The following MYO3B variants were observed in gnomAD, a reference collection of about 807,000 sequenced individuals.
The protein encoded by MYO3B is myosin IIIB.
Under a neutral mutation model 174.6 loss-of-function variants are expected in MYO3B, and 156 were observed. The ratio of observed to expected loss-of-function variants is 0.89; its 90% CI spans 0.78 to 1.02. The LOEUF (loss-of-function observed/expected upper bound fraction) is 1.02, where lower values mean the gene tolerates loss of function less well. MYO3B is among the 50% of genes least tolerant of loss of function. MYO3B has a pLI of 0.00. For missense variants in MYO3B, 1,632 were observed against 1,639.4 expected, an observed-to-expected ratio of 1.00 and a Z score of 0.08; for synonymous variants, 563 against 569.1, an observed-to-expected ratio of 0.99 and a Z score of 0.15.
At chr2:170,651,599 T>C (rs369168743) in intron 32 of MYO3B, 29 bp from the exon 33 acceptor site, 10 of 1,600,546 alleles carry the variant, frequency 6.2e-6, no homozygotes, top group Non-Finnish European at 8.6e-6. Context: ...CCTCGGACAG[T>C]TTACAGCAAA....
intron 25 of MYO3B, among the ~76,000 whole-genome samples, chr2:170,474,097 G>C (rs939557223): frequency 1.3e-5 from 2 of 152,202 alleles, no homozygotes. Context: ...TACCAAGCCA[G>C]TGTCTTTTTC....
At chr2:170,376,605 A>ATTTTT (rs10655853) in intron 9 of MYO3B, among the ~76,000 whole-genome samples, 21 of 145,006 alleles carry the variant, frequency 1.4e-4, no homozygotes, top group African/African-American at 5.0e-4. Context: ...CCCTCTCTCT[A>ATTTTT]TTTTTTTTTT....
chr2:170,592,072 G>C (rs1349914571), intron 32 of MYO3B, among the ~76,000 whole-genome samples: 3 of 152,138 alleles, frequency 2.0e-5, no homozygotes, highest in Non-Finnish European at 4.4e-5. Context: ...TGGAAAGTGA[G>C]GTATGAAGAG....
chr2:170,315,034 T>A (rs575093175), intron 7 of MYO3B, among the ~76,000 whole-genome samples: 101 of 152,346 alleles, frequency 6.6e-4, no homozygotes, highest in Middle Eastern at 3.4e-3. Flanking sequence ...ATTGACATTT[T>A]TAGGACTATC....
In MYO3B at chr2:170,548,405, G is replaced by T. The variant is rs141174489; in HGVS notation, c.3733+4417G>T. Among the ~76,000 whole-genome samples, 9 of 152,322 alleles carry T rather than the reference G, an allele frequency of 5.9e-5. No homozygotes were observed. In the East Asian group the frequency reaches 1.2e-3, roughly 20 times the overall value. On this transcript the variant is annotated intron_variant, in intron 32 of 34. Transcript: ENST00000408978. ...TAGATACAATGAAGATTCTCATTCA[G>T]CAGGTCTGAGTGGCTCTGAGATTCT...
At chr2:170,564,085 A>G (rs1691910340) in intron 32 of MYO3B, among the ~76,000 whole-genome samples, 1 of 152,234 alleles carries the variant, frequency 6.6e-6, no homozygotes, top group Non-Finnish European at 1.5e-5. Context: ...GAATTTTCAA[A>G]TCATGTGAAT....
At chr2:170,601,553 G>A (rs1258525681) in intron 32 of MYO3B, 2 of 944,620 alleles carry the variant, frequency 2.1e-6, no homozygotes, top group Admixed American at 4.4e-5. Context: ...GGAGTGAGTT[G>A]TGTACAGGGG....
rs72625213 is a variant in MYO3B, at chr2:170,543,029, T to C, written c.3636+63T>C. 28,174 of 1,360,566 alleles carry C rather than the reference T, an allele frequency of 0.021. 4,454 individuals are homozygous for C. The East Asian group carries it at 0.44, about 21-fold the overall frequency. The allele number at this position is 1,360,566 out of a possible 1,614,324, so 84.3% of individuals were successfully genotyped here. A position where few individuals can be genotyped will look rare whatever the true frequency, so the allele number is the denominator to read the frequency against. On this transcript the variant is annotated intron_variant, in intron 31 of 34. Coordinates refer to ENST00000408978, the MANE Select transcript of MYO3B (RefSeq NM_138995.5). Reference sequence around the variant, plus strand: ...ACTCCTTCAGACTCATCCAAGTTCATAGGCATGAAGCTTGTCTGCGGCTGC... The same window carrying C: ...ACTCCTTCAGACTCATCCAAGTTCACAGGCATGAAGCTTGTCTGCGGCTGC...
intron 32 of MYO3B, among the ~76,000 whole-genome samples, chr2:170,651,408 G>A (rs540164265): frequency 6.6e-6 from 1 of 152,296 alleles, no homozygotes; most frequent in South Asian, 2.1e-4. Flanking sequence ...ATTCAGATCA[G>A]AAAGCTGAAT....
intron 32 of MYO3B, among the ~76,000 whole-genome samples, chr2:170,629,667 T>C (rs768970061): frequency 6.6e-6 from 1 of 152,042 alleles, no homozygotes; most frequent in Non-Finnish European, 1.5e-5. Flanking sequence ...CTGGGCAACA[T>C]GGTGAAACTC....
At chr2:170,440,124 A>C (rs1173349472) in intron 22 of MYO3B, among the ~76,000 whole-genome samples, 1 of 152,110 alleles carries the variant, frequency 6.6e-6, no homozygotes, top group Non-Finnish European at 1.5e-5. Context: ...ATTTTACCCC[A>C]TTGTATACTC....
chr2:170,378,080 A>T (rs11428142), intron 9 of MYO3B, among the ~76,000 whole-genome samples: 12 of 122,714 alleles, frequency 9.8e-5, no homozygotes, highest in African/African-American at 2.2e-4. Flanking sequence ...CAATAAAATT[A>T]AAAAAATAAA....
At chr2:170,539,428 A>C (rs1689939164) in intron 30 of MYO3B, among the ~76,000 whole-genome samples, 1 of 152,196 alleles carries the variant, frequency 6.6e-6, no homozygotes, top group South Asian at 2.1e-4. Flanking sequence ...TCGTGGTGTT[A>C]GTGGTGTTAA....
At chr2:170,388,371 AC>A (rs1052506754) in intron 14 of MYO3B, among the ~76,000 whole-genome samples, 37 of 152,288 alleles carry the variant, frequency 2.4e-4, no homozygotes, top group African/African-American at 8.7e-4. Context: ...GAAGGGAACG[AC>A]ACATAACCTA....
intron 25 of MYO3B, among the ~76,000 whole-genome samples, chr2:170,493,567 C>T (rs1378805749): frequency 6.6e-6 from 1 of 151,992 alleles, no homozygotes; most frequent in African/African-American, 2.4e-5. Context: ...CTTTAACATA[C>T]GTCTACAAAT....
chr2:170,235,818 T>C (rs954272411), intron 6 of MYO3B, among the ~76,000 whole-genome samples, 173 bp from the exon 7 acceptor site: 3 of 152,242 alleles, frequency 2.0e-5, no homozygotes, highest in Admixed American at 6.5e-5. Flanking sequence ...ACGTATAAGA[T>C]AATAAATTGG....
At chr2:170,273,813 G>A (rs1156738758) in intron 7 of MYO3B, among the ~76,000 whole-genome samples, 2 of 152,038 alleles carry the variant, frequency 1.3e-5, no homozygotes, top group South Asian at 2.1e-4. Flanking sequence ...CTTTATTCCT[G>A]GAATAAGACA....
chr2:170,636,305 T>C (rs1347412186), intron 32 of MYO3B, among the ~76,000 whole-genome samples: 1 of 152,118 alleles, frequency 6.6e-6, no homozygotes, highest in Admixed American at 6.5e-5. Context: ...AACAGAGCAC[T>C]TTGAAGATAA....
intron 7 of MYO3B, among the ~76,000 whole-genome samples, chr2:170,291,108 G>T (rs1410265593): frequency 6.6e-6 from 1 of 151,990 alleles, no homozygotes; most frequent in Non-Finnish European, 1.5e-5. Flanking sequence ...AATTAGCCAG[G>T]CATGGTGATG....
Sources: allele counts gnomAD v4.1 joint callset (sites outside exome capture counted in the v4.1 genomes callset), GRCh38; gene constraint gnomAD v4.1.1; transcripts MANE v1.5; gene names NCBI Gene and HGNC (gene_info 2026-07-23, HGNC 2026-07-21).